The following CDH13 variants were observed in gnomAD, a reference collection of about 807,000 sequenced individuals.
CDH13 encodes cadherin-13.
CDH13 carries 24 observed loss-of-function variants against 63.8 expected under a neutral mutation model. That is an observed-to-expected ratio of 0.38 (90% CI 0.27 to 0.53). CDH13 has a LOEUF of 0.53. Ranked by LOEUF, CDH13 falls within the 20% of genes least tolerant of loss-of-function variation. The probability of loss-of-function intolerance (pLI) is 0.85; values close to 1 mark genes in which losing one functional copy is unlikely to be tolerated. For missense variants in CDH13, 1,049 were observed against 903.1 expected (o/e 1.16, Z -2.07); for synonymous variants, 503 against 355.3 (o/e 1.42, Z -4.67).
In CDH13 at chr16:82,892,936, G is replaced by C. The variant is rs551401549; in HGVS notation, c.157+34463G>C. Among the ~76,000 whole-genome samples, 3 of 152,128 alleles carry C rather than the reference G, an allele frequency of 2.0e-5. No individual in the cohort carries two copies. In the East Asian group the frequency reaches 5.8e-4, roughly 29 times the overall value. On this transcript the variant is annotated intron_variant, in intron 2 of 13. Coordinates refer to ENST00000567109, the MANE Select transcript of CDH13 (RefSeq NM_001257.5). ...AATCCCTAAACACATTTTGACATTT[G>C]GCTCTCCAAGACAAAGTTTGTAAAA...
chr16:83,717,241 CAG>C (rs1211443978), intron 10 of CDH13: 2 of 151,926 alleles, frequency 1.3e-5, no homozygotes, highest in Admixed American at 6.6e-5. Context: ...GCCTGGATGA[CAG>C]AGCGAGATAC....
intron 6 of CDH13, among the ~76,000 whole-genome samples, chr16:83,450,347 C>A (rs2072851518): frequency 6.6e-6 from 1 of 152,134 alleles, no homozygotes; most frequent in South Asian, 2.1e-4. Flanking sequence ...GGGGTTGGAC[C>A]AGCAACAAGT....
chr16:83,144,547 A>G (rs1372513206), intron 4 of CDH13, among the ~76,000 whole-genome samples: 1 of 152,230 alleles, frequency 6.6e-6, no homozygotes, highest in Non-Finnish European at 1.5e-5. Context: ...AGGGCCTGGA[A>G]CATAATAGAT....
At chr16:82,775,569 T>C (rs1348903018) in intron 1 of CDH13, among the ~76,000 whole-genome samples, 1 of 152,178 alleles carries the variant, frequency 6.6e-6, no homozygotes, top group African/African-American at 2.4e-5. Context: ...ATGGGAAAGG[T>C]ACTCTGTTAT....
At chr16:83,242,224 C>A (rs1332417795) in intron 5 of CDH13, among the ~76,000 whole-genome samples, 1 of 152,098 alleles carries the variant, frequency 6.6e-6, no homozygotes, top group Non-Finnish European at 1.5e-5. Context: ...ATTTTGATTA[C>A]CATTGCTTTG....
At chr16:83,233,795 A>G (rs2040071709) in intron 5 of CDH13, among the ~76,000 whole-genome samples, 1 of 152,140 alleles carries the variant, frequency 6.6e-6, no homozygotes, top group Non-Finnish European at 1.5e-5. Flanking sequence ...AGTTCACAAC[A>G]TTAATCTTCT....
intron 5 of CDH13, among the ~76,000 whole-genome samples, chr16:83,317,777 G>A (rs1276560110): frequency 6.6e-6 from 1 of 151,564 alleles, no homozygotes; most frequent in African/African-American, 2.4e-5. Flanking sequence ...TCCAGCCTCA[G>A]TGACAAAGCG....
At chr16:83,103,040 C>T (rs2034576682) in intron 3 of CDH13, among the ~76,000 whole-genome samples, 1 of 143,722 alleles carries the variant, frequency 7.0e-6, no homozygotes, top group South Asian at 2.2e-4. Flanking sequence ...GCAGCCTCTG[C>T]CTCCCTGGTT....
chr16:82,847,362 G>C (rs772503599), intron 1 of CDH13, among the ~76,000 whole-genome samples: 4 of 152,156 alleles, frequency 2.6e-5, no homozygotes, highest in Admixed American at 6.5e-5. Context: ...GGAGTCTCAT[G>C]GGGAGAATTC....
At chr16:82,771,027 T>C (rs989923927) in intron 1 of CDH13, among the ~76,000 whole-genome samples, 12 of 152,352 alleles carry the variant, frequency 7.9e-5, no homozygotes, top group Admixed American at 1.3e-4. Context: ...ATAGTTCCAA[T>C]TTTTTATGTG....
At position 83,125,491 on chromosome 16, in the gene CDH13, A is replaced by T. The variant is rs569194198; in HGVS notation, c.473A>T (p.Asp158Val). 72 of 1,583,780 alleles carry T rather than the reference A, an allele frequency of 4.5e-5. No homozygotes were observed. In the East Asian group the frequency reaches 1.5e-3, roughly 34 times the overall value. The change falls in exon 4 of 14, where the codon GAT (aspartate) becomes GTT (valine). Residue 158 changes from aspartate (D) to valine (V), a missense_variant. By Grantham distance (152) the Asp-to-Val change is radical (BLOSUM62 -3). Coordinates refer to ENST00000567109, the MANE Select transcript of CDH13 (RefSeq NM_001257.5). ...PENQRQPFPR[D>V]VGKVVDSDRP... The stretch of plus-strand genomic sequence containing the variant: ...AATCAGAGACAGCCTTTCCCAAGAG[A>T]TGTTGGCAAGGTAAGTCAGACAAAC...
chr16:83,205,596 G>A (rs994090704), intron 4 of CDH13, among the ~76,000 whole-genome samples: 3 of 132,472 alleles, frequency 2.3e-5, no homozygotes, highest in Non-Finnish European at 3.1e-5. Context: ...GTGCCCAAGA[G>A]GAAAACCTTT....
At chr16:83,213,553 G>A (rs562749914) in intron 4 of CDH13, among the ~76,000 whole-genome samples, 2 of 152,144 alleles carry the variant, frequency 1.3e-5, no homozygotes, top group Non-Finnish European at 2.9e-5. Flanking sequence ...GTGTCTGGCA[G>A]ATAGATGGGT....
At chr16:82,934,112 C>A (rs534027827) in intron 2 of CDH13, among the ~76,000 whole-genome samples, 1 of 152,254 alleles carries the variant, frequency 6.6e-6, no homozygotes, top group Non-Finnish European at 1.5e-5. Context: ...CATTCCCCTT[C>A]TGCACTTCCC....
At chr16:83,425,268 C>T (rs1298200169) in intron 6 of CDH13, among the ~76,000 whole-genome samples, 1 of 152,220 alleles carries the variant, frequency 6.6e-6, no homozygotes, top group Non-Finnish European at 1.5e-5. Context: ...CCCAATATGT[C>T]ATCTAACGTT....
intron 1 of CDH13, among the ~76,000 whole-genome samples, chr16:82,765,876 G>A (rs2035036717): frequency 6.6e-6 from 1 of 152,006 alleles, no homozygotes; most frequent in African/African-American, 2.4e-5. Context: ...AGAATTACAT[G>A]GAATTATCCC....
At chr16:83,654,125 G>A (rs959301936) in intron 8 of CDH13, among the ~76,000 whole-genome samples, 1 of 152,092 alleles carries the variant, frequency 6.6e-6, no homozygotes, top group Non-Finnish European at 1.5e-5. Flanking sequence ...TAAAAGTGTG[G>A]ATAGAGGATG....
intron 7 of CDH13, among the ~76,000 whole-genome samples, chr16:83,549,592 C>T (rs887383892): frequency 2.0e-5 from 3 of 151,382 alleles, no homozygotes; most frequent in African/African-American, 7.3e-5. Context: ...ACCCCACTCC[C>T]GTAGCACTGG....
At chr16:83,331,064 G>A (rs938307242) in intron 5 of CDH13, among the ~76,000 whole-genome samples, 2 of 152,176 alleles carry the variant, frequency 1.3e-5, no homozygotes, top group Non-Finnish European at 2.9e-5. Flanking sequence ...CCATCTCAAA[G>A]ATGAGGAAAT....
Sources: allele counts gnomAD v4.1 joint callset (sites outside exome capture counted in the v4.1 genomes callset), GRCh38; gene constraint gnomAD v4.1.1; transcripts MANE v1.5; gene names NCBI Gene and HGNC (gene_info 2026-07-23, HGNC 2026-07-21).